Variants in SYN3 observed in about 807,000 individuals in gnomAD.
SYN3 encodes synapsin III.
A neutral mutation model predicts 65.8 loss-of-function variants in SYN3; 35 were observed. That is an observed-to-expected ratio of 0.53 (90% confidence interval 0.41 to 0.70). SYN3 has a LOEUF of 0.70. SYN3 is among the 30% of genes least tolerant of loss of function. The probability of loss-of-function intolerance (pLI) is 0.00; values close to 1 mark genes in which losing one functional copy is unlikely to be tolerated. For synonymous variants in SYN3, 270 were observed against 292.9 expected, an observed-to-expected ratio of 0.92 and a Z score of 0.80; for missense variants, 680 against 749.0, an observed-to-expected ratio of 0.91 and a Z score of 1.08.
At chr22:32,690,142 C>G (rs2060643150) in intron 6 of SYN3, among the ~76,000 whole-genome samples, 2 of 152,054 alleles carry the variant, frequency 1.3e-5, no homozygotes, top group Non-Finnish European at 2.9e-5. Context: ...TGCCACTGCA[C>G]TCCAGTCTGG....
At chr22:32,556,975 TA>T (rs1011518291) in intron 7 of SYN3, among the ~76,000 whole-genome samples, 2 of 151,970 alleles carry the variant, frequency 1.3e-5, no homozygotes, top group African/African-American at 2.4e-5. Flanking sequence ...ATCTATACTT[TA>T]AAAAAGTCCA....
Position 32,609,047 on chromosome 22 carries a change from A to T in SYN3, c.712-12311T>A, listed in dbSNP as rs191179763. On this transcript the variant is annotated intron_variant, in intron 6 of 13. Transcript: ENST00000358763. ...ATTTTTAAAGTTATTAAATTGGGCC[A>T]GGCCTGGTGGCTCACACCTGTAATC... Among the ~76,000 whole-genome samples the T allele has an allele frequency of 1.1e-4, 16 of 152,158 alleles. No homozygotes were observed. The East Asian group carries it at 2.9e-3, about 28-fold the overall frequency.
chr22:32,559,594 C>T (rs1333413815), intron 7 of SYN3, among the ~76,000 whole-genome samples: 3 of 152,058 alleles, frequency 2.0e-5, no homozygotes, highest in Admixed American at 6.5e-5. Flanking sequence ...TTTGGGAGGC[C>T]GAGATGGGCG....
intron 6 of SYN3, among the ~76,000 whole-genome samples, chr22:32,814,012 C>T (rs1414357861): frequency 6.6e-6 from 1 of 151,852 alleles, no homozygotes; most frequent in Non-Finnish European, 1.5e-5. Context: ...TGCTCACCAG[C>T]TCATTGCCTG....
chr22:32,845,157 T>A (rs1403018833), intron 6 of SYN3, among the ~76,000 whole-genome samples: 1 of 150,894 alleles, frequency 6.6e-6, no homozygotes, highest in Non-Finnish European at 1.5e-5. Context: ...CTCTCCCTTC[T>A]CTGATTGGTG....
intron 6 of SYN3, among the ~76,000 whole-genome samples, chr22:32,733,905 G>A (rs2061303333): frequency 6.6e-6 from 1 of 152,240 alleles, no homozygotes; most frequent in Admixed American, 6.5e-5. Flanking sequence ...TCAAAGCCTG[G>A]TGGAGAGGAC....
At chr22:33,004,517 G>C (rs1235993918) in intron 2 of SYN3, among the ~76,000 whole-genome samples, 1 of 152,222 alleles carries the variant, frequency 6.6e-6, no homozygotes, top group Non-Finnish European at 1.5e-5. Context: ...GTGAGACATG[G>C]AGTCAAAGGA....
chr22:33,049,642 G>A (rs995343626), intron 1 of SYN3, among the ~76,000 whole-genome samples: 2 of 152,188 alleles, frequency 1.3e-5, no homozygotes, highest in African/African-American at 4.8e-5. Context: ...TATTTTGGGA[G>A]CTACGCTCTG....
intron 6 of SYN3, among the ~76,000 whole-genome samples, chr22:32,623,734 A>T (rs2146766265): frequency 6.6e-6 from 1 of 152,050 alleles, no homozygotes; most frequent in South Asian, 2.1e-4. Context: ...GGTGAACAAA[A>T]CTCCATCTTC....
At chr22:32,841,165 T>A (rs2047890343) in intron 6 of SYN3, among the ~76,000 whole-genome samples, 1 of 152,246 alleles carries the variant, frequency 6.6e-6, no homozygotes, top group Non-Finnish European at 1.5e-5. Flanking sequence ...AGGTGCCTGT[T>A]ATGTGCCAGG....
chr22:33,051,575 A>C (rs928073018), intron 1 of SYN3, among the ~76,000 whole-genome samples: 1 of 152,170 alleles, frequency 6.6e-6, no homozygotes, highest in African/African-American at 2.4e-5. Flanking sequence ...ACAAAAAAAA[A>C]ATCACAGTTA....
chr22:32,748,456 G>A (rs1163209771), intron 6 of SYN3, among the ~76,000 whole-genome samples: 1 of 152,192 alleles, frequency 6.6e-6, no homozygotes, highest in Non-Finnish European at 1.5e-5. Context: ...CCAAGAAAGG[G>A]TGTCGGGGGC....
chr22:32,873,790 A>C (rs1384512976), intron 4 of SYN3, among the ~76,000 whole-genome samples: 1 of 152,198 alleles, frequency 6.6e-6, no homozygotes, highest in Non-Finnish European at 1.5e-5. Flanking sequence ...CAGAAGTACC[A>C]GCTGGGAAAA....
At chr22:32,662,772 A>G (rs1254409147) in intron 6 of SYN3, among the ~76,000 whole-genome samples, 1 of 152,230 alleles carries the variant, frequency 6.6e-6, no homozygotes, top group Non-Finnish European at 1.5e-5. Flanking sequence ...AGCCACACTG[A>G]ATTCTTAGCA....
chr22:32,931,866 G>A (rs2050643409), intron 3 of SYN3, among the ~76,000 whole-genome samples: 1 of 150,592 alleles, frequency 6.6e-6, no homozygotes, highest in African/African-American at 2.4e-5. Context: ...TCACCTTCAT[G>A]CTCTACAGTA....
intron 3 of SYN3, among the ~76,000 whole-genome samples, chr22:32,942,268 C>T (rs920003632): frequency 6.6e-6 from 1 of 152,180 alleles, no homozygotes; most frequent in Non-Finnish European, 1.5e-5. Flanking sequence ...AACAATCAGG[C>T]AGCAACCTTT....
At chr22:32,976,840 C>T (rs2052205646) in intron 3 of SYN3, among the ~76,000 whole-genome samples, 2 of 152,134 alleles carry the variant, frequency 1.3e-5, no homozygotes, top group Non-Finnish European at 2.9e-5. Flanking sequence ...CTAACTCATT[C>T]GCTCTGTCCA....
chr22:32,615,435 A>G (rs1423558191), intron 6 of SYN3, among the ~76,000 whole-genome samples: 2 of 149,428 alleles, frequency 1.3e-5, no homozygotes, highest in Non-Finnish European at 3.0e-5. Flanking sequence ...CTTCATCTAA[A>G]AAAAAAAAAA....
At position 32,866,954 on chromosome 22, in the gene SYN3, C is replaced by T. The variant is rs74893627; in HGVS notation, c.622-1950G>A. Reference sequence around the variant, plus strand: ...TACTTTGTGCCAGCCACATTCTAAGCGTTTTCATCTATTAAATCATAACCC... The same window carrying T: ...TACTTTGTGCCAGCCACATTCTAAGTGTTTTCATCTATTAAATCATAACCC... On this transcript the variant is annotated intron_variant, in intron 5 of 13. Coordinates refer to ENST00000358763, the MANE Select transcript of SYN3 (RefSeq NM_003490.4). Among the ~76,000 whole-genome samples, 1,173 of 152,264 alleles carry T rather than the reference C, an allele frequency of 7.7e-3. 19 individuals carry two copies. The highest frequency in any genetic ancestry group is 0.027 in the African/African-American group (1,137 of 41,540).
Sources: gnomAD v4.1 joint callset for allele counts (sites outside exome capture counted in the v4.1 genomes callset) on GRCh38, gnomAD v4.1.1 for gene constraint, MANE v1.5 for transcripts, NCBI Gene and HGNC (gene_info 2026-07-23, HGNC 2026-07-21) for gene names.